Variants in CD302 observed in about 807,000 individuals in gnomAD.
CD302 encodes CD302 molecule, also known as CD302 antigen.
Under a neutral mutation model 26.5 loss-of-function variants are expected in CD302, and 23 were observed. The observed-to-expected ratio is 0.87, with a 90% CI of 0.62 to 1.23. The LOEUF (loss-of-function observed/expected upper bound fraction) is 1.23. CD302 is among the 50% of genes most tolerant of loss of function. The probability of loss-of-function intolerance (pLI) is 0.00; values close to 1 mark genes in which losing one functional copy is unlikely to be tolerated. For synonymous variants in CD302, 90 were observed against 99.4 expected (o/e 0.91, Z 0.56); for missense variants, 290 against 275.5 (o/e 1.05, Z -0.37).
chr2:159,781,559 A>G (rs79937750), intron 2 of CD302: 5 of 99,574 alleles, frequency 5.0e-5, no homozygotes, highest in African/African-American at 1.7e-4. Context: ...GACTCCATTA[A>G]AAAAAAAAAA....
chr2:159,779,906 T>C (rs943207677), intron 4 of CD302, 99 bp downstream of exon 4: 6 of 1,412,880 alleles, frequency 4.2e-6, no homozygotes, highest in Non-Finnish European at 5.7e-6. Context: ...CCTAGCCTTA[T>C]TCTATTTATT....
At chr2:159,776,744 G>A (rs1333841097) in intron 5 of CD302, among the ~76,000 whole-genome samples, 2 of 136,806 alleles carry the variant, frequency 1.5e-5, no homozygotes, top group African/African-American at 2.9e-5. Flanking sequence ...TCACTCTGTC[G>A]CCGAGGCTGG....
intron 5 of CD302, among the ~76,000 whole-genome samples, chr2:159,774,142 T>G (rs746514097): frequency 1.3e-5 from 2 of 152,148 alleles, no homozygotes; most frequent in Non-Finnish European, 2.9e-5. Flanking sequence ...CCCTGACTGC[T>G]CTATTTTTCA....
intron 5 of CD302, 28 bp from the exon 6 acceptor site, chr2:159,772,081 T>C (rs1230464548): frequency 6.2e-7 from 1 of 1,609,814 alleles, no homozygotes; most frequent in Admixed American, 1.7e-5. Flanking sequence ...AAAGAGTATT[T>C]GGGAAATTAG....
intron 2 of CD302, among the ~76,000 whole-genome samples, chr2:159,782,472 C>G (rs570318593): frequency 1.2e-3 from 171 of 148,438 alleles, no homozygotes; most frequent in African/African-American, 4.1e-3. Context: ...GTGGCTCACA[C>G]CTGTAATCCC....
At chr2:159,783,208 C>T in intron 2 of CD302, 151 bp downstream of exon 2, 1 of 586,806 alleles carries the variant, frequency 1.7e-6, no homozygotes. Context: ...AATTCCACTG[C>T]CTGTAGCTTG....
In CD302 at chr2:159,777,734, AAAG is replaced by A. The variant is rs531758532; in HGVS notation, c.496+201_496+203del. ...GAATCTAAAAAAATATTCCCGAGTA[AAAG>A]AAGCCAGACAAAACTACATATTGTA... is the stretch of plus-strand genomic sequence containing the variant. On this transcript the variant is annotated intron_variant, in intron 5 of 5. Coordinates refer to ENST00000259053, the MANE Select transcript of CD302 (RefSeq NM_014880.5). Among the ~76,000 whole-genome samples the A allele has an allele frequency of 2.1e-3, 316 of 152,344 alleles. 4 individuals are homozygous for A. Among genetic ancestry groups the A allele is most frequent in the Non-Finnish European group, 2.3e-3 (157 of 68,022 alleles).
Position 159,779,997 on chromosome 2 carries a change from ATACT to A in CD302, c.469+4_469+7del, listed in dbSNP as rs751805753. The stretch of plus-strand genomic sequence containing the variant: ...CTAGAATGGAAAAACACCTTCGGTC[ATACT>A]TACTAGCTGTTTTGCATAGTGTTCC... On this transcript the variant is annotated splice_donor_5th_base_variant and intron_variant, in intron 4 of 5. Coordinates refer to ENST00000259053, the MANE Select transcript of CD302 (RefSeq NM_014880.5). 8.1e-6 allele frequency: 13 copies of A among 1,608,738 alleles called. No homozygotes were observed. The highest frequency in any genetic ancestry group is 6.7e-5 in the African/African-American group (5 of 74,574).
At chr2:159,789,174 T>C (rs1015209360) in intron 1 of CD302, among the ~76,000 whole-genome samples, 15 of 152,060 alleles carry the variant, frequency 9.9e-5, no homozygotes, top group Admixed American at 9.2e-4. Flanking sequence ...TGTTTGATTT[T>C]TTTTTTTGTA....
At chr2:159,783,755 C>T (rs1708586367) in intron 1 of CD302, among the ~76,000 whole-genome samples, 1 of 152,170 alleles carries the variant, frequency 6.6e-6, no homozygotes, top group Admixed American at 6.5e-5. Flanking sequence ...TTAGTGTTAT[C>T]ACCAAGGCAA....
At chr2:159,789,577 T>C (rs1708754741) in intron 1 of CD302, among the ~76,000 whole-genome samples, 1 of 151,708 alleles carries the variant, frequency 6.6e-6, no homozygotes, top group African/African-American at 2.4e-5. Flanking sequence ...TTTTGTTCTG[T>C]CTGGTAGTTT....
rs190707705 is a variant in CD302, at chr2:159,775,129, C to T, written c.496+2809G>A. Among the ~76,000 whole-genome samples, 35 of 152,312 alleles carry T rather than the reference C, an allele frequency of 2.3e-4. 1 individual carries two copies. In the East Asian group the frequency reaches 4.6e-3, roughly 20 times the overall value. Reference sequence around the variant, plus strand: ...TTTTCCCTATAGGATGTGTCACCATCTCACATAGTTTTGTTTTACCCTTCC... The same window carrying T: ...TTTTCCCTATAGGATGTGTCACCATTTCACATAGTTTTGTTTTACCCTTCC... On this transcript the variant is annotated intron_variant, in intron 5 of 5. Transcript: ENST00000259053.
At chr2:159,781,208 T>C (rs1188307029) in intron 2 of CD302, among the ~76,000 whole-genome samples, 3 of 152,176 alleles carry the variant, frequency 2.0e-5, no homozygotes, top group Non-Finnish European at 1.5e-5. Flanking sequence ...ATTGAAATTA[T>C]GTTTATGTCT....
chr2:159,796,811 G>C (rs1288140824), intron 1 of CD302, among the ~76,000 whole-genome samples: 1 of 152,118 alleles, frequency 6.6e-6, no homozygotes, highest in Non-Finnish European at 1.5e-5. Flanking sequence ...TTCTTTAAAA[G>C]TCTGACAAGA....
intron 1 of CD302, among the ~76,000 whole-genome samples, chr2:159,788,729 G>A (rs1708731571): frequency 2.0e-5 from 3 of 152,130 alleles, no homozygotes; most frequent in East Asian, 1.9e-4. Context: ...TGTTGTTTTA[G>A]TGTTTTTAAA....
At chr2:159,786,394 C>T (rs993629523) in intron 1 of CD302, among the ~76,000 whole-genome samples, 1 of 147,600 alleles carries the variant, frequency 6.8e-6, no homozygotes, top group African/African-American at 2.5e-5. Context: ...AGGGCAGTGG[C>T]GCGATCTCAG....
At chr2:159,782,733 A>G (rs1560046201) in intron 2 of CD302, among the ~76,000 whole-genome samples, 1 of 152,134 alleles carries the variant, frequency 6.6e-6, no homozygotes, top group Admixed American at 6.6e-5. Flanking sequence ...TCAAAAAAAA[A>G]AAAAAAGACA....
chr2:159,796,000 A>AT (rs1312129202), intron 1 of CD302, among the ~76,000 whole-genome samples: 1 of 152,226 alleles, frequency 6.6e-6, no homozygotes, highest in Non-Finnish European at 1.5e-5. Context: ...GATGCCATGG[A>AT]TTTTCACTCA....
chr2:159,798,154 G>A lies in CD302; in HGVS notation c.45C>T (p.Gly15=), dbSNP rs1343595386. The A allele has an allele frequency of 1.3e-6, 2 of 1,484,636 alleles. No individual in the cohort carries two copies. Among genetic ancestry groups the A allele is most frequent in the East Asian group, 2.9e-5 (1 of 33,932 alleles). 92.0% of individuals were successfully genotyped at this position (1,484,636 alleles called of 1,614,324 possible). Reference sequence around the variant, plus strand: ...TACCCGCGACGGCAGCAGCGGCGAGGCCCAGCAACGGCAGCAGGAGCGCGG... The same window carrying A: ...TACCCGCGACGGCAGCAGCGGCGAGACCCAGCAACGGCAGCAGGAGCGCGG... ...ALPALLLPLL[G]LAAAAVADCP... Residue 15 remains glycine, a synonymous_variant, in exon 1 of 6, where the codon GGC becomes GGT. Transcript: ENST00000259053.
Sources: gnomAD v4.1 joint callset for allele counts (sites outside exome capture counted in the v4.1 genomes callset) on GRCh38, gnomAD v4.1.1 for gene constraint, MANE v1.5 for transcripts, NCBI Gene and HGNC (gene_info 2026-07-23, HGNC 2026-07-21) for gene names.